Variants in CNBD1 observed in about 807,000 individuals in gnomAD.
The protein encoded by CNBD1 is cyclic nucleotide-binding domain-containing protein 1.
In CNBD1, 71 loss-of-function variants were observed where a neutral mutation model predicts 54.4. The ratio of observed to expected loss-of-function variants is 1.30; its 90% confidence interval spans 1.08 to 1.59. CNBD1 has a LOEUF of 1.59. CNBD1 is among the 40% of genes most tolerant of loss of function. The pLI is 0.00. For synonymous variants in CNBD1, 182 were observed against 170.7 expected (o/e 1.07, Z -0.51); for missense variants, 659 against 518.0 (o/e 1.27, Z -2.64).
At chr8:87,247,679 T>C (rs1351237085) in intron 6 of CNBD1, among the ~76,000 whole-genome samples, 1 of 152,152 alleles carries the variant, frequency 6.6e-6, no homozygotes, top group Non-Finnish European at 1.5e-5. Flanking sequence ...CTCTGGCCAG[T>C]GATCTACCTT....
intron 8 of CNBD1, among the ~76,000 whole-genome samples, chr8:87,306,451 T>C (rs774160172): frequency 2.2e-4 from 33 of 152,312 alleles, no homozygotes; most frequent in Middle Eastern, 3.4e-3. Flanking sequence ...TGCACACGCA[T>C]GTTTGTAGCA....
chr8:86,932,109 C>G (rs987707333), intron 3 of CNBD1, among the ~76,000 whole-genome samples: 4 of 152,146 alleles, frequency 2.6e-5, no homozygotes, highest in Non-Finnish European at 4.4e-5. Flanking sequence ...TCCAAAGTCT[C>G]GGGCTGCAGC....
chr8:87,348,584 A>G (rs937222864), intron 8 of CNBD1, among the ~76,000 whole-genome samples: 7 of 152,142 alleles, frequency 4.6e-5, no homozygotes, highest in African/African-American at 1.7e-4. Context: ...GTCGTGCTCA[A>G]AGTTGCCTCG....
downstream of CNBD1, among the ~76,000 whole-genome samples, chr8:87,387,184 G>T (rs1477461505): frequency 1.3e-5 from 2 of 152,152 alleles, no homozygotes; most frequent in Admixed American, 1.3e-4. Flanking sequence ...AGGTTAGGAA[G>T]AAACTGCATC....
chr8:87,075,575 C>A (rs1810851350), intron 4 of CNBD1, among the ~76,000 whole-genome samples: 1 of 152,052 alleles, frequency 6.6e-6, no homozygotes, highest in South Asian at 2.1e-4. Flanking sequence ...TGTTAAATTT[C>A]TTCCCTACTA....
At chr8:86,953,123 T>A (rs1223939216) in intron 4 of CNBD1, among the ~76,000 whole-genome samples, 1 of 152,226 alleles carries the variant, frequency 6.6e-6, no homozygotes, top group Non-Finnish European at 1.5e-5. Flanking sequence ...ATAGTTTATC[T>A]AAGTATATGT....
intron 4 of CNBD1, among the ~76,000 whole-genome samples, chr8:87,041,935 A>G (rs1810080662): frequency 6.6e-6 from 1 of 152,246 alleles, no homozygotes; most frequent in African/African-American, 2.4e-5. Context: ...GACACCAGGT[A>G]GAAGAATATT....
chr8:87,268,699 A>G (rs1434693955), intron 6 of CNBD1, among the ~76,000 whole-genome samples: 5 of 152,008 alleles, frequency 3.3e-5, no homozygotes, highest in African/African-American at 1.2e-4. Flanking sequence ...GAGCATTTTA[A>G]AATATATTCA....
intron 10 of CNBD1, among the ~76,000 whole-genome samples, chr8:87,378,737 C>A: frequency 6.6e-6 from 1 of 151,094 alleles, no homozygotes; most frequent in Middle Eastern, 3.2e-3. Flanking sequence ...CTGTAAATTA[C>A]CTTGGGCAGT....
intron 3 of CNBD1, among the ~76,000 whole-genome samples, chr8:86,929,901 G>T (rs1399643842): frequency 6.6e-6 from 1 of 152,154 alleles, no homozygotes; most frequent in African/African-American, 2.4e-5. Context: ...TGGCTGTGAG[G>T]TTGTCACACA....
intron 6 of CNBD1, among the ~76,000 whole-genome samples, chr8:87,255,311 T>C (rs1208192002): frequency 6.6e-6 from 1 of 152,150 alleles, no homozygotes; most frequent in East Asian, 1.9e-4. Context: ...GAGGGTCCAG[T>C]AAATAAACTC....
chr8:87,274,392 G>A (rs957047674), intron 6 of CNBD1, among the ~76,000 whole-genome samples: 2 of 145,792 alleles, frequency 1.4e-5, no homozygotes. Context: ...CACCAACAGT[G>A]TAAAAGTGTG....
At chr8:87,001,005 A>T (rs1054551909) in intron 4 of CNBD1, among the ~76,000 whole-genome samples, 7 of 152,014 alleles carry the variant, frequency 4.6e-5, no homozygotes, top group Admixed American at 6.5e-5. Flanking sequence ...TCTACATTTT[A>T]TCTTTGAATA....
At chr8:86,987,693 T>G (rs1808639054) in intron 4 of CNBD1, among the ~76,000 whole-genome samples, 1 of 152,172 alleles carries the variant, frequency 6.6e-6, no homozygotes, top group Admixed American at 6.5e-5. Context: ...CCTCGTCTGT[T>G]GGGAGTTTGT....
chr8:87,243,823 C>G (rs530087109), intron 6 of CNBD1, among the ~76,000 whole-genome samples: 1 of 151,790 alleles, frequency 6.6e-6, no homozygotes, highest in African/African-American at 2.4e-5. Context: ...AACAAAAATA[C>G]CATGAATCAA....
At position 87,426,286 on chromosome 8, in the gene CNBD1, G is replaced by A. The variant is rs193278449; in HGVS notation, c.214-2260G>A. 4.1e-4 allele frequency among the ~76,000 whole-genome samples: 62 copies of A among 152,322 alleles called. No individual in the cohort carries two copies. In the Middle Eastern group the frequency reaches 0.01, roughly 25 times the overall value. Reference sequence around the variant, plus strand: ...GCAGAAATCACCCGTCTTCTGCGTCGCTCAGGCTGGGAGCTGTAGACCGGA... The same window carrying A: ...GCAGAAATCACCCGTCTTCTGCGTCACTCAGGCTGGGAGCTGTAGACCGGA... On this transcript the variant is annotated intron_variant, in intron 2 of 7. Transcript: ENST00000521593.
intron 6 of CNBD1, among the ~76,000 whole-genome samples, chr8:87,262,739 G>A (rs4961018): frequency 0.66 from 100,432 of 151,958 alleles, 33,615 homozygotes; most frequent in Non-Finnish European, 0.71. Context: ...AAAATTTACC[G>A]CTTAGGCATC....
intron 8 of CNBD1, among the ~76,000 whole-genome samples, chr8:87,334,724 C>T (rs7006280): frequency 0.48 from 54,312 of 112,764 alleles, 10,816 homozygotes; most frequent in African/African-American, 0.57. Context: ...TTTTTCTTTT[C>T]TTTTTTTTTT....
At chr8:86,923,464 C>G (rs7016375) in intron 3 of CNBD1, among the ~76,000 whole-genome samples, 83,974 of 151,844 alleles carry the variant, frequency 0.55, 23,432 homozygotes, top group South Asian at 0.6. Context: ...TTTAGTTTAA[C>G]TTTTGGAAGC....
Sources: allele counts gnomAD v4.1 joint callset (sites outside exome capture counted in the v4.1 genomes callset), GRCh38; gene constraint gnomAD v4.1.1; transcripts MANE v1.5; gene names NCBI Gene and HGNC (gene_info 2026-07-23, HGNC 2026-07-21).